The following TPRG1 variants were observed in gnomAD, a reference collection of about 807,000 sequenced individuals.
TPRG1 encodes the protein tumor protein p63 regulated 1, also known as tumor protein p63-regulated gene 1 protein.
In TPRG1, 29 loss-of-function variants were observed where a neutral mutation model predicts 29.3. The ratio of observed to expected loss-of-function variants is 0.99; its 90% confidence interval spans 0.74 to 1.35. The LOEUF (loss-of-function observed/expected upper bound fraction) is 1.35, where lower values mean the gene tolerates loss of function less well. Ranked by LOEUF, TPRG1 falls within the 40% of genes most tolerant of loss-of-function variation. The pLI is 0.00. For synonymous variants in TPRG1, 130 were observed against 116.8 expected (o/e 1.11, Z -0.73); for missense variants, 327 against 335.0 (o/e 0.98, Z 0.19).
intron 1 of TPRG1, among the ~76,000 whole-genome samples, chr3:189,120,697 T>C (rs1721729793): frequency 6.6e-6 from 1 of 152,234 alleles, no homozygotes; most frequent in African/African-American, 2.4e-5. Context: ...AAAAGATGAC[T>C]GAGGGTTGGT....
chr3:189,312,113 CTTTGT>C (rs879493918), intron 5 of TPRG1, among the ~76,000 whole-genome samples: 3 of 73,712 alleles, frequency 4.1e-5, no homozygotes, highest in African/African-American at 2.0e-4. Flanking sequence ...TTGTTTCTTT[CTTTGT>C]TTCTTTCTTT....
chr3:189,056,028 C>CG (rs1715652777), intron 4 of TPRG1, among the ~76,000 whole-genome samples: 1 of 107,470 alleles, frequency 9.3e-6, no homozygotes, highest in Admixed American at 1.1e-4. Context: ...CCCTTCCCTC[C>CG]CTCCCTTCCT....
intron 3 of TPRG1, among the ~76,000 whole-genome samples, chr3:189,137,288 A>C (rs1246365617): frequency 6.9e-6 from 1 of 144,912 alleles, no homozygotes; most frequent in Non-Finnish European, 1.5e-5. Context: ...GCTTCTGAAA[A>C]CCCCAAAATG....
rs1209010587 is a variant in TPRG1 at position 189,284,350 on chromosome 3, C to A, written c.480-26036C>A. ...ATATCTCCTAATGCTATCCCTCCCC[C>A]CCCCTCCCCCCACCCCACAACAGGC... On this transcript the variant is annotated intron_variant, in intron 4 of 5. Coordinates refer to ENST00000345063, the MANE Select transcript of TPRG1 (RefSeq NM_198485.4). 3.8e-3 allele frequency among the ~76,000 whole-genome samples: 461 copies of A among 119,742 alleles called. 6 individuals carry two copies. The highest frequency in any genetic ancestry group is 0.014 in the African/African-American group (441 of 31,202). 78.6% of individuals were successfully genotyped at this position (119,742 alleles called of 152,430 possible). A position where few individuals can be genotyped will look rare whatever the true frequency, so the allele number is the denominator to read the frequency against.
chr3:189,235,025 G>A (rs1411539866), intron 3 of TPRG1, among the ~76,000 whole-genome samples: 2 of 152,106 alleles, frequency 1.3e-5, no homozygotes, highest in Admixed American at 6.6e-5. Flanking sequence ...AGGGGGCACA[G>A]TGAATACAAG....
intron 1 of TPRG1, among the ~76,000 whole-genome samples, chr3:189,189,156 A>G (rs1731341512): frequency 6.6e-6 from 1 of 152,148 alleles, no homozygotes; most frequent in Non-Finnish European, 1.5e-5. Flanking sequence ...AAGACAACCT[A>G]TAATCCCATT....
Position 189,214,447 on chromosome 3 carries a change from T to C in TPRG1, c.211-845T>C, listed in dbSNP as rs185764962. ...TGGAGGTTGAGTGTAGGGAAAATTG[T>C]CATAGAATCCTAGGCAACTCCCCTC... On this transcript the variant is annotated intron_variant, in intron 2 of 5. Transcript: ENST00000345063. Among the ~76,000 whole-genome samples, 6 of 151,182 alleles carry C rather than the reference T, an allele frequency of 4.0e-5. No homozygotes were observed. The East Asian group carries it at 8.0e-4, about 20-fold the overall frequency.
intron 1 of TPRG1, among the ~76,000 whole-genome samples, chr3:189,194,680 T>C (rs1732244288): frequency 6.6e-6 from 1 of 152,146 alleles, no homozygotes; most frequent in Admixed American, 6.5e-5. Context: ...AGAGTATGGC[T>C]GCAATTTGGA....
At chr3:189,099,891 G>A (rs2001403), upstream of TPRG1, among the ~76,000 whole-genome samples, 10,562 of 152,146 alleles carry the variant, frequency 0.069, 1,189 homozygotes, top group African/African-American at 0.24. Context: ...AGGCTCAGTG[G>A]CTCCCAAAGG....
At chr3:189,058,519 C>G (rs1350527635) in intron 4 of TPRG1, among the ~76,000 whole-genome samples, 3 of 152,200 alleles carry the variant, frequency 2.0e-5, no homozygotes, top group Non-Finnish European at 1.5e-5. Flanking sequence ...TGTATCTACC[C>G]TTTGTGGGGC....
intron 1 of TPRG1, among the ~76,000 whole-genome samples, chr3:189,180,956 C>T (rs1341233653): frequency 6.6e-6 from 1 of 152,168 alleles, no homozygotes; most frequent in Non-Finnish European, 1.5e-5. Flanking sequence ...GCAGAGGTTC[C>T]CAAACCCCAG....
At chr3:189,032,602 T>TTA (rs1713990884) in intron 4 of TPRG1, among the ~76,000 whole-genome samples, 1 of 151,940 alleles carries the variant, frequency 6.6e-6, no homozygotes, top group Non-Finnish European at 1.5e-5. Flanking sequence ...TTTCTTTTTT[T>TTA]TTATTATTAT....
At chr3:189,047,106 TA>T (rs766814049) in intron 4 of TPRG1, among the ~76,000 whole-genome samples, 3 of 152,178 alleles carry the variant, frequency 2.0e-5, no homozygotes, top group Non-Finnish European at 4.4e-5. Flanking sequence ...AAGGATGCTA[TA>T]AAACTGATGC....
chr3:189,251,171 T>C (rs976369259), intron 4 of TPRG1, among the ~76,000 whole-genome samples: 2 of 152,014 alleles, frequency 1.3e-5, no homozygotes, highest in Non-Finnish European at 2.9e-5. Flanking sequence ...TCTCTGTTAC[T>C]GTAACTTCTG....
intron 4 of TPRG1, among the ~76,000 whole-genome samples, chr3:189,297,310 T>A (rs1311593964): frequency 6.6e-6 from 1 of 152,180 alleles, no homozygotes; most frequent in Admixed American, 6.5e-5. Context: ...CTTAGATTCC[T>A]GTCTTGCAAT....
intron 4 of TPRG1, among the ~76,000 whole-genome samples, chr3:189,294,603 G>A (rs946015839): frequency 7.9e-5 from 12 of 152,052 alleles, no homozygotes; most frequent in African/African-American, 2.7e-4. Context: ...TATCGCAGGG[G>A]GAAATACACA....
chr3:189,006,519 T>C (rs1712294537), intron 3 of TPRG1, among the ~76,000 whole-genome samples: 1 of 151,916 alleles, frequency 6.6e-6, no homozygotes, highest in Non-Finnish European at 1.5e-5. Flanking sequence ...TCTGAAAGAG[T>C]GGCTCTCCTC....
At chr3:189,288,839 G>A (rs1718514235) in intron 4 of TPRG1, among the ~76,000 whole-genome samples, 1 of 152,246 alleles carries the variant, frequency 6.6e-6, no homozygotes, top group South Asian at 2.1e-4. Context: ...ACTGATTTGT[G>A]CCTAATAATG....
At chr3:189,228,240 A>G (rs1298521247) in intron 3 of TPRG1, among the ~76,000 whole-genome samples, 1 of 152,162 alleles carries the variant, frequency 6.6e-6, no homozygotes, top group African/African-American at 2.4e-5. Flanking sequence ...TTTTTTTCCA[A>G]AAATAAAGCA....
Sources: gnomAD v4.1 joint callset for allele counts (sites outside exome capture counted in the v4.1 genomes callset) on GRCh38, gnomAD v4.1.1 for gene constraint, MANE v1.5 for transcripts, NCBI Gene and HGNC (gene_info 2026-07-23, HGNC 2026-07-21) for gene names.